RNF38: variants seen among roughly 807,000 people sequenced by gnomAD.
RNF38 encodes the protein E3 ubiquitin-protein ligase RNF38.
In RNF38, 15 loss-of-function variants were observed where a neutral mutation model predicts 67.2. The observed-to-expected ratio is 0.22, with a 90% CI of 0.15 to 0.34. The LOEUF (loss-of-function observed/expected upper bound fraction) is 0.34. Ranked by LOEUF, RNF38 falls within the 10% of genes least tolerant of loss-of-function variation. RNF38 has a pLI of 1.00. For missense variants in RNF38, 524 were observed against 639.9 expected, an observed-to-expected ratio of 0.82 and a Z score of 1.95; for synonymous variants, 220 against 218.8, an observed-to-expected ratio of 1.01 and a Z score of -0.05.
rs147870982 is a variant in RNF38 at position 36,337,649 on chromosome 9, ATTT to A, written c.*2100_*2102del. ...ATGGGCTTTTGCCATTTTAAACATG[ATTT>A]TTTTTCATTAAAAAAGATTAAACTA... On this transcript the variant is annotated 3_prime_UTR_variant, in exon 12 of 12. Transcript: ENST00000259605. 2.6e-5 allele frequency: 4 copies of A among 152,336 alleles called. No individual in the cohort carries two copies. Among genetic ancestry groups the A allele is most frequent in the South Asian group, 2.1e-4 (1 of 4,818 alleles). The allele number at this position is 152,336 out of a possible 1,614,324, so 9.4% of individuals were successfully genotyped here.
chr9:36,375,892 C>T (rs749359600), intron 3 of RNF38, 42 bp downstream of exon 3: 73 of 1,540,316 alleles, frequency 4.7e-5, no homozygotes, highest in Non-Finnish European at 6.1e-5. Context: ...CACAAATCTA[C>T]CAATGGAAGA....
At chr9:36,436,285 G>C (rs1839063621) in intron 1 of RNF38, among the ~76,000 whole-genome samples, 1 of 152,142 alleles carries the variant, frequency 6.6e-6, no homozygotes, top group Non-Finnish European at 1.5e-5. Context: ...ATCTAGGGAA[G>C]TCAAATGATC....
chr9:36,337,848 AG>A lies in RNF38; in HGVS notation c.*1903del, dbSNP rs1211095832. ...GTATTTCTGATGCACTGACAACCCT[AG>A]GGGCAAACACAGTATGCAAAACCCT... On this transcript the variant is annotated 3_prime_UTR_variant, in exon 12 of 12. Coordinates refer to ENST00000259605, the MANE Select transcript of RNF38 (RefSeq NM_022781.5). 1.3e-5 allele frequency: 2 copies of A among 152,638 alleles called. No individual in the cohort carries two copies. Among genetic ancestry groups the A allele is most frequent in the East Asian group, 3.8e-4 (2 of 5,202 alleles). The allele number at this position is 152,638 out of a possible 1,614,324, so 9.5% of individuals were successfully genotyped here.
At chr9:36,485,924 A>T (rs1587230694) in intron 1 of RNF38, among the ~76,000 whole-genome samples, 1 of 152,302 alleles carries the variant, frequency 6.6e-6, no homozygotes, top group Admixed American at 6.5e-5. Flanking sequence ...TTTCTATAAA[A>T]GTATAGCTGT....
At chr9:36,449,722 AC>A (rs1388978134) in intron 1 of RNF38, among the ~76,000 whole-genome samples, 1 of 152,154 alleles carries the variant, frequency 6.6e-6, no homozygotes, top group African/African-American at 2.4e-5. Flanking sequence ...GGCATGAGCC[AC>A]CGCTCCCAGC....
chr9:36,409,224 GGGAAGGAAGGATGGAAGGAAAGAA>G (rs1838256903), intron 2 of RNF38, among the ~76,000 whole-genome samples: 2 of 144,546 alleles, frequency 1.4e-5, no homozygotes, highest in South Asian at 4.4e-4. Context: ...GAGGGAAGGA[GGGAAGGAAGGATGGAAGGAAAGAA>G]GGAAGGAAGG....
intron 1 of RNF38, among the ~76,000 whole-genome samples, chr9:36,428,454 C>CATATATATATATATATAT (rs10588812): frequency 6.8e-6 from 1 of 146,128 alleles, no homozygotes; most frequent in African/African-American, 2.6e-5. Flanking sequence ...CTATTGTTTA[C>CATATATATATATATATAT]ATATATATAT....
At chr9:36,358,644 T>A (rs1193966264) in intron 4 of RNF38, among the ~76,000 whole-genome samples, 3 of 152,248 alleles carry the variant, frequency 2.0e-5, no homozygotes, top group African/African-American at 7.2e-5. Flanking sequence ...CACAGTCCTA[T>A]CATATGGTGT....
At chr9:36,416,336 C>T (rs1838468692) in intron 2 of RNF38, among the ~76,000 whole-genome samples, 1 of 152,044 alleles carries the variant, frequency 6.6e-6, no homozygotes, top group African/African-American at 2.4e-5. Context: ...AGTGACAGGC[C>T]TCACCGAATT....
chr9:36,344,914 G>C lies in RNF38; in HGVS notation c.1303C>G (p.Pro435Ala), dbSNP rs761965140. The C allele has an allele frequency of 6.2e-7, 1 of 1,613,738 alleles. No individual in the cohort carries two copies. The highest frequency in any genetic ancestry group is 8.5e-7 in the Non-Finnish European group (1 of 1,179,642). ...NLAERLGEAK[P>A]RGLTKADIEQ... ...ATATCTGCTTTAGTCAGTCCACGAG[G>C]CTTTGCCTCTCCCAGTCGCTCTGCC... Residue 435 changes from proline (P) to alanine (A), a missense_variant, in exon 10 of 12, where the codon CCT becomes GCT. Physicochemically the swap from Pro to Ala is conservative, Grantham distance 27. This residue lies in a region of RNF38 where 63 missense variants were observed against 122.5 expected (regional missense o/e 0.51). Transcript: ENST00000259605.
chr9:36,384,074 T>G (rs1836413099), intron 2 of RNF38, among the ~76,000 whole-genome samples: 1 of 152,188 alleles, frequency 6.6e-6, no homozygotes, highest in African/African-American at 2.4e-5. Flanking sequence ...TCACAGTTCC[T>G]AATTACACAA....
intron 2 of RNF38, among the ~76,000 whole-genome samples, chr9:36,408,906 G>A (rs1035843440): frequency 6.6e-6 from 1 of 152,212 alleles, no homozygotes. Context: ...TATGCACATG[G>A]CCGGGTGTGG....
At chr9:36,343,147 TTTTTCCTGAATA>T in intron 10 of RNF38, among the ~76,000 whole-genome samples, 1 of 152,344 alleles carries the variant, frequency 6.6e-6, no homozygotes, top group African/African-American at 2.4e-5. Flanking sequence ...CTATTTTTAT[TTTTTCCTGAATA>T]TTTTCAATCT....
intron 1 of RNF38, among the ~76,000 whole-genome samples, chr9:36,479,573 GT>G (rs372813552): frequency 4.7e-4 from 71 of 152,246 alleles, no homozygotes; most frequent in Middle Eastern, 3.4e-3. Flanking sequence ...AGCAATAACT[GT>G]CTTGAATTGC....
intron 1 of RNF38, among the ~76,000 whole-genome samples, chr9:36,454,042 GTCTC>G (rs1483665717): frequency 6.6e-6 from 1 of 151,996 alleles, no homozygotes; most frequent in Non-Finnish European, 1.5e-5. Context: ...TGTTATACTA[GTCTC>G]TCTAAAGCTA....
upstream of RNF38, among the ~76,000 whole-genome samples, chr9:36,403,048 T>C (rs929609861): frequency 2.0e-5 from 3 of 152,068 alleles, no homozygotes; most frequent in Non-Finnish European, 4.4e-5. Flanking sequence ...AGTCCTCCCA[T>C]ATTGGCCTCC....
intron 11 of RNF38, among the ~76,000 whole-genome samples, chr9:36,340,793 C>G (rs1295655981): frequency 6.6e-6 from 1 of 152,194 alleles, no homozygotes; most frequent in Non-Finnish European, 1.5e-5. Context: ...TGTTCCCTGG[C>G]TCCTAAATTT....
chr9:36,424,339 G>C (rs950032900), intron 2 of RNF38, among the ~76,000 whole-genome samples: 2 of 152,210 alleles, frequency 1.3e-5, no homozygotes, highest in African/African-American at 4.8e-5. Context: ...TTCAGGCTTT[G>C]CAGAAGAGGA....
chr9:36,405,855 A>G (rs1412652373), upstream of RNF38, among the ~76,000 whole-genome samples: 1 of 152,258 alleles, frequency 6.6e-6, no homozygotes, highest in Non-Finnish European at 1.5e-5. Flanking sequence ...ACACTAAACA[A>G]TAATCATAAA....
Sources: allele counts gnomAD v4.1 joint callset (sites outside exome capture counted in the v4.1 genomes callset), GRCh38; gene constraint gnomAD v4.1.1; regional missense constraint gnomAD v4.1.1; transcripts MANE v1.5; gene names NCBI Gene and HGNC (gene_info 2026-07-23, HGNC 2026-07-21).